Variants in NEU4 observed in about 807,000 individuals in gnomAD.
The protein encoded by NEU4 is sialidase-4.
NEU4 carries 7 observed loss-of-function variants against 9.9 expected under a neutral mutation model. That is an observed-to-expected ratio of 0.71 (90% confidence interval 0.40 to 1.33). The LOEUF (loss-of-function observed/expected upper bound fraction) is 1.33. Among genes scored for constraint, NEU4 ranks in the 40% most tolerant of loss-of-function variants. The pLI is 0.01. For missense variants in NEU4, 717 were observed against 712.6 expected (o/e 1.01, Z -0.07); for synonymous variants, 348 against 316.9 (o/e 1.10, Z -1.04).
In NEU4 at chr2:241,816,823, G is replaced by C. The variant is rs1368445069; in HGVS notation, c.1230G>C (p.Trp410Cys). Residue 410 changes from tryptophan (W) to cysteine (C), a missense_variant, in exon 4 of 4, where the codon TGG becomes TGC. Transcript: ENST00000407683. ...ACCCGCGCAGCTGGACAGAGCCCTGGGTGATCTACGAGGGCCCCAGCGGCT... is the reference window on the plus strand; with the variant it reads ...ACCCGCGCAGCTGGACAGAGCCCTGCGTGATCTACGAGGGCCCCAGCGGCT... The part of the protein sequence containing the change: ...PLDPRSWTEP[W>C]VIYEGPSGYS... 6 of 1,609,594 alleles carry C rather than the reference G, an allele frequency of 3.7e-6. No homozygotes were observed. The highest frequency in any genetic ancestry group is 3.4e-5 in the Admixed American group (2 of 59,528).
At chr2:241,813,464 C>CA in intron 1 of NEU4, 2 of 1,159,150 alleles carry the variant, frequency 1.7e-6, no homozygotes, top group South Asian at 3.4e-5. Context: ...TGTGCGTGCT[C>CA]ACGCTCGGCT....
At chr2:241,809,524 C>T (rs187393294) in intron 1 of NEU4, among the ~76,000 whole-genome samples, 128 of 152,282 alleles carry the variant, frequency 8.4e-4, no homozygotes, top group African/African-American at 2.9e-3. Context: ...CCAGAGCTCA[C>T]GAAGACGGTT....
At position 241,811,503 on chromosome 2, in the gene NEU4, T is replaced by C. The variant is rs920651094; in HGVS notation, c.-4+2229T>C. The C allele has an allele frequency of 2.1e-6, 3 of 1,462,088 alleles. No homozygotes were observed. The African/African-American group carries it at 4.3e-5, about 21-fold the overall frequency. 90.6% of individuals were successfully genotyped at this position (1,462,088 alleles called of 1,614,324 possible). A position where few individuals can be genotyped will look rare whatever the true frequency, so the allele number is the denominator to read the frequency against. ...TGCACCCCCAGCACCCTCACCCCTC[T>C]ACCCGGGCGCCCGGGGTCAGGACCC... On this transcript the variant is annotated intron_variant, in intron 1 of 3. Transcript: ENST00000407683.
chr2:241,813,814 G>GGATCCGATCCCCTGTCCCCAGA (rs1700202320), intron 1 of NEU4: 1 of 306,808 alleles, frequency 3.3e-6, no homozygotes, highest in Admixed American at 4.8e-5. Context: ...TCAGGAAGTG[G>GGATCCGATCCCCTGTCCCCAGA]GAGCCGATCC....
rs1038532937 is a variant in NEU4, at chr2:241,814,235, G to C, written c.-3-247G>C. On this transcript the variant is annotated intron_variant, in intron 1 of 3. Coordinates refer to ENST00000407683, the MANE Select transcript of NEU4 (RefSeq NM_001167600.3). ...TCAGCTCCCAGAGCCGTGTTGAGAG[G>C]GGAAGGGGCTGATTCCACAGACATT... 5 of 638,016 alleles carry C rather than the reference G, an allele frequency of 7.8e-6. No individual in the cohort carries two copies. In the South Asian group the frequency reaches 8.8e-5, roughly 11 times the overall value. 39.5% of individuals were successfully genotyped at this position (638,016 alleles called of 1,614,324 possible).
chr2:241,810,700 G>T (rs907875396), intron 1 of NEU4: 1 of 156,234 alleles, frequency 6.4e-6, no homozygotes, highest in African/African-American at 2.4e-5. Flanking sequence ...GGGCAGGCCA[G>T]CGTGAAAGGG....
intron 1 of NEU4, chr2:241,813,704 G>A: frequency 4.5e-6 from 2 of 447,516 alleles, no homozygotes; most frequent in Non-Finnish European, 8.9e-6. Context: ...ACCAGGCACT[G>A]GAATGAGGGC....
rs751460575 is a variant in NEU4, at chr2:241,816,835, G to C, written c.1242G>C (p.Glu414Asp). Residue 414 changes from glutamate to aspartate, a missense_variant, in exon 4 of 4, where the codon GAG (glutamate) becomes GAC (aspartate). Coordinates refer to ENST00000407683, the MANE Select transcript of NEU4 (RefSeq NM_001167600.3). ...GGACAGAGCCCTGGGTGATCTACGA[G>C]GGCCCCAGCGGCTACTCCGACCTGG... ...RSWTEPWVIY[E>D]GPSGYSDLAS... 6.2e-7 allele frequency: 1 copy of C among 1,610,618 alleles called. No homozygotes were observed. The highest frequency in any genetic ancestry group is 8.5e-7 in the Non-Finnish European group (1 of 1,179,176).
In NEU4 at chr2:241,816,459, A is replaced by T; in HGVS notation, c.866A>T (p.Asn289Ile). 1 of 1,609,416 alleles carries T rather than the reference A, an allele frequency of 6.2e-7. No individual in the cohort carries two copies. The highest frequency in any genetic ancestry group is 1.1e-5 in the South Asian group (1 of 90,580). ...GTGGGCTTCCCAGCCCCCGCCCCCA[A>T]CAGGCCACGGGATGACAGTTGGTCA... ...SIVGFPAPAP[N>I]RPRDDSWSVG... The change falls in exon 4 of 4, where the codon AAC becomes ATC. Residue 289 changes from asparagine to isoleucine, a missense_variant. Transcript: ENST00000407683.
chr2:241,811,327 G>C, intron 1 of NEU4: 1 of 1,383,084 alleles, frequency 7.2e-7, no homozygotes, highest in Non-Finnish European at 9.5e-7. Flanking sequence ...CCGTGGGAGT[G>C]TCCAGGGTCC....
At chr2:241,810,922 G>A (rs995464579) in intron 1 of NEU4, 2 of 988,106 alleles carry the variant, frequency 2.0e-6, no homozygotes, top group Non-Finnish European at 2.4e-6. Context: ...GGCCCTGAGA[G>A]GCACAGGACA....
intron 1 of NEU4, chr2:241,810,441 C>G (rs558428027): frequency 3.3e-5 from 5 of 152,238 alleles, no homozygotes; most frequent in African/African-American, 1.2e-4. Flanking sequence ...GGTTTATCAT[C>G]TCAGCCTGGA....
chr2:241,814,528 G>A lies in NEU4; in HGVS notation c.44G>A (p.Arg15Gln), dbSNP rs752929700. 18 of 1,611,042 alleles carry A rather than the reference G, an allele frequency of 1.1e-5. No homozygotes were observed. Among genetic ancestry groups the A allele is most frequent in the African/African-American group, 4.0e-5 (3 of 74,936 alleles). ...CCTTCACGGACAGTGCTCTTCGAGC[G>A]GGAGAGGACGGGCCTGACCTACCGC... is the stretch of plus-strand genomic sequence containing the variant. ...RTPSRTVLFE[R>Q]ERTGLTYRVP... The change falls in exon 2 of 4, where the codon CGG becomes CAG. Residue 15 changes from arginine (R) to glutamine (Q), a missense_variant. Arg to Gln is a conservative substitution (Grantham distance 43). Transcript: ENST00000407683.
rs567481720 is a variant in NEU4 at position 241,811,244 on chromosome 2, C to T, written c.-4+1970C>T. ...TGCAGAGGGGAGCCTGTGCTGGTCC[C>T]GGGCGTCTGTGTGGCTCCTGGGTGC... On this transcript the variant is annotated intron_variant, in intron 1 of 3. Coordinates refer to ENST00000407683, the MANE Select transcript of NEU4 (RefSeq NM_001167600.3). The T allele has an allele frequency of 2.9e-5, 36 of 1,253,612 alleles. No homozygotes were observed. The South Asian group carries it at 7.2e-4, about 25-fold the overall frequency. 77.7% of individuals were successfully genotyped at this position (1,253,612 alleles called of 1,614,324 possible). A position where few individuals can be genotyped will look rare whatever the true frequency, so the allele number is the denominator to read the frequency against.
Position 241,816,845 on chromosome 2 carries a change from G to C in NEU4, c.1252G>C (p.Gly418Arg). ...CTGGGTGATCTACGAGGGCCCCAGC[G>C]GCTACTCCGACCTGGCGTCCATCGG... ...EPWVIYEGPS[G>R]YSDLASIGPA... The change falls in exon 4 of 4, where the codon GGC (glycine) becomes CGC (arginine). Residue 418 changes from glycine to arginine, a missense_variant. Physicochemically the swap from Gly to Arg is moderately radical, Grantham distance 125 (BLOSUM62 -2). Coordinates refer to ENST00000407683, the MANE Select transcript of NEU4 (RefSeq NM_001167600.3). 1 of 1,611,284 alleles carries C rather than the reference G, an allele frequency of 6.2e-7. No individual in the cohort carries two copies. The highest frequency in any genetic ancestry group is 8.5e-7 in the Non-Finnish European group (1 of 1,179,408).
At position 241,814,980 on chromosome 2, in the gene NEU4, C is replaced by G; in HGVS notation, c.290C>G (p.Thr97Ser). The stretch of plus-strand genomic sequence containing the variant: ...CCTGTGCACGATGCTGGCACGGGCA[C>G]CGTCTTCCTCTTCTTCATCGCGGTG... Reference protein sequence around the residue: ...PCPVHDAGTGTVFLFFIAVLG... With the variant: ...PCPVHDAGTGSVFLFFIAVLG... The change falls in exon 3 of 4, where the codon ACC becomes AGC. Residue 97 changes from threonine to serine, a missense_variant. By Grantham distance (58) the Thr-to-Ser change is moderately conservative. Transcript: ENST00000407683. 1 of 1,610,370 alleles carries G rather than the reference C, an allele frequency of 6.2e-7. No individual in the cohort carries two copies. The highest frequency in any genetic ancestry group is 8.5e-7 in the Non-Finnish European group (1 of 1,179,694).
At chr2:241,815,185 G>A in intron 3 of NEU4, 38 bp downstream of exon 3, 1 of 1,502,502 alleles carries the variant, frequency 6.7e-7, no homozygotes, top group South Asian at 1.3e-5. Context: ...CCCTTTGATT[G>A]GCCACGGTCC....
chr2:241,816,705 C>T lies in NEU4; in HGVS notation c.1112C>T (p.Pro371Leu), dbSNP rs369111720. 108 of 1,536,614 alleles carry T rather than the reference C, an allele frequency of 7.0e-5. No individual in the cohort carries two copies. Among genetic ancestry groups the T allele is most frequent in the South Asian group, 4.6e-4 (37 of 80,422 alleles). Reference sequence around the variant, plus strand: ...GCACTCCCCATGCCCTTTGCTGCCCCGCCCCAGAGCCCCACGTGGCTGCTG... The same window carrying T: ...GCACTCCCCATGCCCTTTGCTGCCCTGCCCCAGAGCCCCACGTGGCTGCTG... The part of the protein sequence containing the change: ...TLALPMPFAA[P>L]PQSPTWLLYS... Residue 371 changes from proline to leucine, a missense_variant, in exon 4 of 4, where the codon CCG becomes CTG. Transcript: ENST00000407683.
chr2:241,810,108 C>T (rs1016223087), intron 1 of NEU4, among the ~76,000 whole-genome samples: 7 of 152,190 alleles, frequency 4.6e-5, no homozygotes, highest in African/African-American at 1.7e-4. Context: ...CCCACCTGCC[C>T]CTGCCCCAGG....
Sources: allele counts gnomAD v4.1 joint callset (sites outside exome capture counted in the v4.1 genomes callset), GRCh38; gene constraint gnomAD v4.1.1; transcripts MANE v1.5; gene names NCBI Gene and HGNC (gene_info 2026-07-23, HGNC 2026-07-21).